The following ASXL2 variants were observed in gnomAD, a reference collection of about 807,000 sequenced individuals.
ASXL2 encodes ASXL transcriptional regulator 2, also known as putative Polycomb group protein ASXL2.
In ASXL2, 23 loss-of-function variants were observed where a neutral mutation model predicts 122.0. The observed-to-expected ratio is 0.19, with a 90% confidence interval of 0.14 to 0.27. The LOEUF is 0.27. Among genes scored for constraint, ASXL2 ranks in the 10% least tolerant of loss-of-function variants. ASXL2 has a pLI of 1.00. For synonymous variants in ASXL2, 650 were observed against 637.0 expected (o/e 1.02, Z -0.31); for missense variants, 1,518 against 1,713.8 (o/e 0.89, Z 2.02).
chr2:25,744,076 G>A lies in ASXL2; in HGVS notation c.2261C>T (p.Ser754Phe), dbSNP rs748330713. ...LPCGPETQPQ[S>F]ETKTTPSQAQ... is the part of the protein sequence containing the mutation. Reference sequence around the variant, plus strand: ...CTGGCTTGGGGTGGTCTTGGTCTCAGACTGGGGCTGAGTCTCTGGACCACA... The same window carrying A: ...CTGGCTTGGGGTGGTCTTGGTCTCAAACTGGGGCTGAGTCTCTGGACCACA... Residue 754 changes from serine (S) to phenylalanine (F), a missense_variant, in exon 13 of 13, where the codon TCT becomes TTT. Transcript: ENST00000435504. This position sits in a 1 kb window ranked among gnomAD's most constrained non-coding sequence, Gnocchi z 4.7. 1.2e-6 allele frequency: 2 copies of A among 1,613,976 alleles called. No individual in the cohort carries two copies. The highest frequency in any genetic ancestry group is 1.7e-6 in the Non-Finnish European group (2 of 1,179,874).
intron 5 of ASXL2, among the ~76,000 whole-genome samples, chr2:25,796,599 T>A (rs1013423523): frequency 3.9e-5 from 6 of 152,192 alleles, no homozygotes; most frequent in African/African-American, 9.6e-5. Context: ...AGGTGAGTTA[T>A]GAAGTAGACA....
At chr2:25,793,426 G>A (rs905918092) in intron 5 of ASXL2, among the ~76,000 whole-genome samples, 3 of 151,956 alleles carry the variant, frequency 2.0e-5, no homozygotes, top group Non-Finnish European at 2.9e-5. Flanking sequence ...TTATAATGTC[G>A]AACAAGGTCA....
At chr2:25,794,827 A>G (rs1325481305) in intron 5 of ASXL2, among the ~76,000 whole-genome samples, 3 of 152,212 alleles carry the variant, frequency 2.0e-5, no homozygotes, top group Non-Finnish European at 4.4e-5. Context: ...GAAATAAGAA[A>G]AAGTAATAGG....
Position 25,750,183 on chromosome 2 carries a change from G to C in ASXL2, c.1373C>G (p.Ser458Cys), listed in dbSNP as rs1017554294. 1 of 1,613,776 alleles carries C rather than the reference G, an allele frequency of 6.2e-7. No individual in the cohort carries two copies. Residue 458 changes from serine to cysteine, a missense_variant, in exon 12 of 13, where the codon TCC becomes TGC. Coordinates refer to ENST00000435504, the MANE Select transcript of ASXL2 (RefSeq NM_018263.6). Reference protein sequence around the residue: ...ESQGEVQPNFSTSSEPLLSSA... With the variant: ...ESQGEVQPNFCTSSEPLLSSA... ...GGAAAGCAGGGGCTCTGAAGATGTG[G>C]AGAAGTTCGGCTGCACTTCACCTTG...
chr2:25,755,970 C>A, intron 10 of ASXL2, 48 bp downstream of exon 10: 4 of 1,428,944 alleles, frequency 2.8e-6, no homozygotes, highest in Non-Finnish European at 4.0e-6. Flanking sequence ...AAGAGAGGTG[C>A]TCTGAGTGCA....
chr2:25,855,475 C>T (rs2089765483), intron 1 of ASXL2, among the ~76,000 whole-genome samples: 1 of 152,136 alleles, frequency 6.6e-6, no homozygotes, highest in African/African-American at 2.4e-5. Flanking sequence ...TTGAGACTAG[C>T]CTGGCCAACA....
rs1559498006 is a variant in ASXL2 at position 25,743,287 on chromosome 2, T to C, written c.3050A>G (p.Gln1017Arg). 1.2e-6 allele frequency: 2 copies of C among 1,613,866 alleles called. No homozygotes were observed. The highest frequency in any genetic ancestry group is 1.7e-6 in the Non-Finnish European group (2 of 1,179,800). The change falls in exon 13 of 13, where the codon CAG becomes CGG. Residue 1017 changes from glutamine (Q) to arginine (R), a missense_variant. By Grantham distance (43) the Gln-to-Arg change is conservative (BLOSUM62 1). This residue lies in a region of ASXL2 where 831 missense variants were observed against 833.1 expected (regional missense o/e 1.00). Transcript: ENST00000435504. ...VNERQSHPAT[Q>R]QQLGKTLQSK... ...TTGCAAGGTTTTGCCCAGCTGCTGCTGCGTAGCTGGATGGGACTGTCTCTC... is the reference window on the plus strand; with the variant it reads ...TTGCAAGGTTTTGCCCAGCTGCTGCCGCGTAGCTGGATGGGACTGTCTCTC...
intron 1 of ASXL2, among the ~76,000 whole-genome samples, chr2:25,849,588 T>TC (rs2089692969): frequency 6.6e-6 from 1 of 152,022 alleles, no homozygotes; most frequent in South Asian, 2.1e-4. Flanking sequence ...TATCCTCCTG[T>TC]CTCAGTCTCC....
intron 1 of ASXL2, chr2:25,856,996 G>A (rs1012436057): frequency 1.5e-5 from 4 of 271,746 alleles, no homozygotes; most frequent in African/African-American, 4.7e-5. Flanking sequence ...AGTAATGATA[G>A]CAAGTTTCTT....
intron 4 of ASXL2, among the ~76,000 whole-genome samples, chr2:25,805,662 T>TTTTTA (rs575061422): frequency 2.6e-4 from 40 of 152,038 alleles, no homozygotes; most frequent in South Asian, 4.1e-4. Context: ...TTTTATTTAT[T>TTTTTA]TTTTATTTTA....
chr2:25,808,300 C>CA (rs1229193132), intron 3 of ASXL2, among the ~76,000 whole-genome samples: 1 of 152,100 alleles, frequency 6.6e-6, no homozygotes, highest in Non-Finnish European at 1.5e-5. Context: ...AATCCAACAC[C>CA]AAAAAGGGCA....
At position 25,750,316 on chromosome 2, in the gene ASXL2, C is replaced by G; in HGVS notation, c.1240G>C (p.Val414Leu). 6.2e-7 allele frequency: 1 copy of G among 1,614,026 alleles called. No homozygotes were observed. The highest frequency in any genetic ancestry group is 2.2e-5 in the East Asian group (1 of 44,892). The change falls in exon 12 of 13, where the codon GTG becomes CTG. Residue 414 changes from valine (V) to leucine (L), a missense_variant. By Grantham distance (32) the Val-to-Leu change is conservative (BLOSUM62 1). Coordinates refer to ENST00000435504, the MANE Select transcript of ASXL2 (RefSeq NM_018263.6). Reference sequence around the variant, plus strand: ...ATTCTGATAAGAGAGGCCTCTGACACAGGCATGGATTTTGGTTGTTCAGCT... The same window carrying G: ...ATTCTGATAAGAGAGGCCTCTGACAGAGGCATGGATTTTGGTTGTTCAGCT... Reference protein sequence around the residue: ...TPAEQPKSMPVSEASLIRIVP... With the variant: ...TPAEQPKSMPLSEASLIRIVP...
intron 1 of ASXL2, among the ~76,000 whole-genome samples, chr2:25,848,863 T>C (rs1574447123): frequency 6.7e-6 from 1 of 149,948 alleles, no homozygotes; most frequent in Admixed American, 6.7e-5. Context: ...CTGGCCAATG[T>C]GGTGAAACAC....
At chr2:25,827,148 TA>T (rs2089387925) in intron 3 of ASXL2, among the ~76,000 whole-genome samples, 1 of 152,078 alleles carries the variant, frequency 6.6e-6, no homozygotes. Flanking sequence ...CAATTTTAAA[TA>T]TAAAGATATA....
chr2:25,812,207 C>G (rs2089179139), intron 3 of ASXL2, among the ~76,000 whole-genome samples: 1 of 150,124 alleles, frequency 6.7e-6, no homozygotes, highest in Non-Finnish European at 1.5e-5. Flanking sequence ...GTCTATAATC[C>G]CAGCACTTTG....
intron 1 of ASXL2, among the ~76,000 whole-genome samples, chr2:25,855,835 CAA>C (rs200980536): frequency 2.3e-4 from 24 of 105,670 alleles, no homozygotes; most frequent in South Asian, 9.7e-4. Context: ...GACTCCGTCT[CAA>C]AAAAAAAAAA....
chr2:25,866,142 T>C (rs1365992254), intron 1 of ASXL2, among the ~76,000 whole-genome samples: 1 of 151,538 alleles, frequency 6.6e-6, no homozygotes, highest in Non-Finnish European at 1.5e-5. Context: ...TTCTTTTTTT[T>C]TTTTTTTGAG....
At chr2:25,777,811 C>T (rs1415145532) in intron 5 of ASXL2, among the ~76,000 whole-genome samples, 2 of 152,118 alleles carry the variant, frequency 1.3e-5, no homozygotes, top group African/African-American at 4.8e-5. Context: ...TTTCTTTCTA[C>T]TCCTACCTAA....
chr2:25,862,089 C>G (rs1056860690), intron 1 of ASXL2, among the ~76,000 whole-genome samples: 9 of 152,134 alleles, frequency 5.9e-5, no homozygotes, highest in Non-Finnish European at 1.0e-4. Context: ...ACTTATGTTA[C>G]ACATTCTCCT....
Sources: allele counts gnomAD v4.1 joint callset (sites outside exome capture counted in the v4.1 genomes callset), GRCh38; gene constraint gnomAD v4.1.1; regional missense constraint gnomAD v4.1.1; non-coding constraint Gnocchi (gnomAD v3.1); transcripts MANE v1.5; gene names NCBI Gene and HGNC (gene_info 2026-07-23, HGNC 2026-07-21).